The following KCNT2 variants were observed in gnomAD, a reference collection of about 807,000 sequenced individuals.
KCNT2 encodes potassium sodium-activated channel subfamily T member 2.
KCNT2 carries 67 observed loss-of-function variants against 153.8 expected under a neutral mutation model. That is an observed-to-expected ratio of 0.44 (90% CI 0.36 to 0.53). The LOEUF (loss-of-function observed/expected upper bound fraction) is 0.53, where lower values mean the gene tolerates loss of function less well. Ranked by LOEUF, KCNT2 falls within the 20% of genes least tolerant of loss-of-function variation. The pLI is 0.00. For synonymous variants in KCNT2, 500 were observed against 458.8 expected (o/e 1.09, Z -1.15); for missense variants, 975 against 1,354.8 (o/e 0.72, Z 4.40).
chr1:196,544,957 G>C (rs910825311), intron 1 of KCNT2, among the ~76,000 whole-genome samples: 1 of 152,016 alleles, frequency 6.6e-6, no homozygotes, highest in African/African-American at 2.4e-5. Flanking sequence ...AAAAAGTTTG[G>C]ATTTAAAACT....
chr1:196,461,118 T>C (rs370720582), intron 8 of KCNT2, among the ~76,000 whole-genome samples: 1 of 151,768 alleles, frequency 6.6e-6, no homozygotes, highest in Admixed American at 6.6e-5. Context: ...CAAACTACAG[T>C]ACTTATCTTC....
chr1:196,577,413 A>C (rs1213958710), intron 1 of KCNT2, among the ~76,000 whole-genome samples: 1 of 152,210 alleles, frequency 6.6e-6, no homozygotes, highest in Admixed American at 6.5e-5. Flanking sequence ...TGACAGACTG[A>C]ATGGAGAAGG....
At chr1:196,326,522 G>A (rs984140604) in intron 19 of KCNT2, among the ~76,000 whole-genome samples, 195 bp downstream of exon 19, 7 of 152,024 alleles carry the variant, frequency 4.6e-5, no homozygotes, top group African/African-American at 1.7e-4. Context: ...CCAGTTTTAA[G>A]TAGTATTTAT....
intron 26 of KCNT2, among the ~76,000 whole-genome samples, chr1:196,240,327 C>G (rs1413038022): frequency 1.3e-5 from 2 of 151,878 alleles, no homozygotes; most frequent in Non-Finnish European, 2.9e-5. Context: ...ATGAGGATAG[C>G]AACAGTGCAA....
chr1:196,352,758 T>A (rs1355977971), intron 14 of KCNT2, among the ~76,000 whole-genome samples: 1 of 152,122 alleles, frequency 6.6e-6, no homozygotes, highest in Non-Finnish European at 1.5e-5. Context: ...CTTTTGAATG[T>A]GTTTGCTCTT....
chr1:196,577,312 C>T (rs151229948), intron 1 of KCNT2, among the ~76,000 whole-genome samples: 18 of 152,094 alleles, frequency 1.2e-4, no homozygotes, highest in South Asian at 2.1e-4. Context: ...TCCTGAGAAA[C>T]GAGAAACAAA....
chr1:196,440,777 C>T (rs571312245), intron 8 of KCNT2, among the ~76,000 whole-genome samples: 1 of 151,708 alleles, frequency 6.6e-6, no homozygotes, highest in East Asian at 2.0e-4. Context: ...CATCTCTACC[C>T]TTCATCTCAA....
At chr1:196,269,365 G>C (rs1444038079) in intron 25 of KCNT2, among the ~76,000 whole-genome samples, 3 of 152,122 alleles carry the variant, frequency 2.0e-5, no homozygotes, top group Non-Finnish European at 4.4e-5. Flanking sequence ...ATATGTGTGT[G>C]TGTGTGTGTG....
intron 14 of KCNT2, among the ~76,000 whole-genome samples, chr1:196,363,294 C>T (rs539652201): frequency 1.3e-5 from 2 of 151,990 alleles, no homozygotes; most frequent in Non-Finnish European, 2.9e-5. Context: ...TTTTGACCAG[C>T]CCCCATATAA....
chr1:196,545,299 T>C (rs986728595), intron 1 of KCNT2, among the ~76,000 whole-genome samples: 3 of 151,964 alleles, frequency 2.0e-5, no homozygotes, highest in Admixed American at 6.6e-5. Flanking sequence ...AAAAAGAGAA[T>C]AAGGGAAGAA....
At chr1:196,596,745 G>A (rs954823938) in intron 1 of KCNT2, among the ~76,000 whole-genome samples, 7 of 151,938 alleles carry the variant, frequency 4.6e-5, no homozygotes, top group Admixed American at 6.6e-5. Flanking sequence ...ACAGGGTCTC[G>A]TGCTGGCATG....
At chr1:196,504,253 G>A (rs1312179179) in intron 1 of KCNT2, among the ~76,000 whole-genome samples, 2 of 86,472 alleles carry the variant, frequency 2.3e-5, no homozygotes, top group East Asian at 6.8e-4. Flanking sequence ...TCCCACAACA[G>A]TCCCCAGAGT....
chr1:196,430,439 T>C (rs975739806), intron 8 of KCNT2, among the ~76,000 whole-genome samples: 1 of 151,730 alleles, frequency 6.6e-6, no homozygotes, highest in Non-Finnish European at 1.5e-5. Context: ...TCTTTCTCTC[T>C]CTCTGTCTCA....
intron 22 of KCNT2, among the ~76,000 whole-genome samples, 174 bp from the exon 23 acceptor site, chr1:196,285,932 A>G (rs995527999): frequency 2.0e-5 from 3 of 152,150 alleles, no homozygotes; most frequent in African/African-American, 7.2e-5. Flanking sequence ...CGTTTTGCTA[A>G]CCACATTTTC....
chr1:196,255,186 A>T (rs888838146), intron 26 of KCNT2, among the ~76,000 whole-genome samples: 26 of 151,720 alleles, frequency 1.7e-4, no homozygotes, highest in African/African-American at 6.3e-4. Context: ...ACAGAAAAAA[A>T]ATTATTCACA....
rs567394305 is a variant in KCNT2 at position 196,536,777 on chromosome 1, T to G, written c.96-44436A>C. Among the ~76,000 whole-genome samples, 289 of 152,264 alleles carry G rather than the reference T, an allele frequency of 1.9e-3. 2 individuals carry two copies. The highest frequency in any genetic ancestry group is 6.2e-3 in the African/African-American group (259 of 41,548). On this transcript the variant is annotated intron_variant, in intron 1 of 27. Transcript: ENST00000294725. ...CTATCCTGTCACACTCTCACTAACC[T>G]GAAGGGCAGCATATGCAGTTACTAG...
At chr1:196,481,508 A>G (rs2148704790) in intron 4 of KCNT2, among the ~76,000 whole-genome samples, 1 of 152,372 alleles carries the variant, frequency 6.6e-6, no homozygotes, top group South Asian at 2.1e-4. Flanking sequence ...GCTCCTAAGC[A>G]GTGAGTCTTA....
At chr1:196,448,887 A>G (rs565826703) in intron 8 of KCNT2, among the ~76,000 whole-genome samples, 2 of 151,862 alleles carry the variant, frequency 1.3e-5, no homozygotes, top group East Asian at 1.9e-4. Flanking sequence ...CCTAAGAAGA[A>G]CAATCATTTT....
At chr1:196,276,477 T>C (rs1658579605) in intron 25 of KCNT2, among the ~76,000 whole-genome samples, 1 of 152,056 alleles carries the variant, frequency 6.6e-6, no homozygotes, top group South Asian at 2.1e-4. Flanking sequence ...TAAAGAATTC[T>C]CTCTGAAGCC....
Sources: allele counts gnomAD v4.1 joint callset (sites outside exome capture counted in the v4.1 genomes callset), GRCh38; gene constraint gnomAD v4.1.1; transcripts MANE v1.5; gene names NCBI Gene and HGNC (gene_info 2026-07-23, HGNC 2026-07-21).